Variants in MAPK10 observed in about 807,000 individuals in gnomAD.
The protein encoded by MAPK10 is JNK3 alpha protein kinase.
A neutral mutation model predicts 59.3 loss-of-function variants in MAPK10; 25 were observed. That is an observed-to-expected ratio of 0.42 (90% CI 0.31 to 0.59). The LOEUF (loss-of-function observed/expected upper bound fraction) is 0.59, where lower values mean the gene tolerates loss of function less well. MAPK10 is among the 20% of genes least tolerant of loss of function. The pLI is 0.15. For synonymous variants in MAPK10, 190 were observed against 200.5 expected (o/e 0.95, Z 0.44); for missense variants, 351 against 568.9 (o/e 0.62, Z 3.90).
intron 1 of MAPK10, among the ~76,000 whole-genome samples, chr4:86,459,405 G>T (rs1242413465): frequency 2.0e-5 from 3 of 152,206 alleles, no homozygotes; most frequent in Non-Finnish European, 4.4e-5. Context: ...CCACTACTGG[G>T]TATCTCTCCA....
chr4:86,548,742 C>T (rs1759500804), intron 1 of MAPK10, among the ~76,000 whole-genome samples: 1 of 152,130 alleles, frequency 6.6e-6, no homozygotes, highest in Non-Finnish European at 1.5e-5. Flanking sequence ...CAGACTAATG[C>T]AGGTACTCTC....
At chr4:86,201,912 T>A (rs1347630087) in intron 2 of MAPK10, among the ~76,000 whole-genome samples, 3 of 151,846 alleles carry the variant, frequency 2.0e-5, no homozygotes, top group African/African-American at 7.2e-5. Context: ...CACATATAGT[T>A]TAAGAAACTT....
intron 2 of MAPK10, among the ~76,000 whole-genome samples, chr4:86,294,407 T>G (rs1194896600): frequency 6.6e-6 from 1 of 152,088 alleles, no homozygotes; most frequent in Non-Finnish European, 1.5e-5. Flanking sequence ...AGTTTACATA[T>G]AAATACAAAT....
intron 1 of MAPK10, among the ~76,000 whole-genome samples, chr4:86,518,399 C>T (rs571901815): frequency 6.6e-6 from 1 of 152,322 alleles, no homozygotes; most frequent in African/African-American, 2.4e-5. Context: ...AATTTGTGCA[C>T]ATAAAGGTGT....
rs138700093 is a variant in MAPK10, at chr4:86,440,754, T to A, written c.-122+12276A>T. Reference sequence around the variant, plus strand: ...TTCTGGTATGAGTCCACTGATATTTTAAAAAGTATTCATGATAAATCATTA... The same window carrying A: ...TTCTGGTATGAGTCCACTGATATTTAAAAAAGTATTCATGATAAATCATTA... On this transcript the variant is annotated intron_variant, in intron 1 of 13. Coordinates refer to the MAPK10 transcript ENST00000361569. 6.1e-3 allele frequency among the ~76,000 whole-genome samples: 922 copies of A among 152,316 alleles called. 6 individuals carry two copies. Among genetic ancestry groups the A allele is most frequent in the African/African-American group, 0.02 (824 of 41,570 alleles).
At chr4:86,359,442 T>C (rs1736332178) in intron 1 of MAPK10, among the ~76,000 whole-genome samples, 1 of 151,372 alleles carries the variant, frequency 6.6e-6, no homozygotes, top group Admixed American at 6.6e-5. Flanking sequence ...AATGGAAAGG[T>C]TTCAACACGC....
At chr4:86,118,288 C>A (rs989748179) in intron 4 of MAPK10, among the ~76,000 whole-genome samples, 18 of 152,124 alleles carry the variant, frequency 1.2e-4, no homozygotes, top group Admixed American at 1.3e-4. Context: ...AGAATCTTGG[C>A]CTGTGGAATC....
chr4:86,099,113 G>C (rs1243112289), intron 8 of MAPK10: 2 of 152,314 alleles, frequency 1.3e-5, no homozygotes, highest in Admixed American at 1.3e-4. Context: ...CAATAAACCA[G>C]GAAATGACTG....
chr4:86,548,274 G>A (rs1759431522), intron 1 of MAPK10, among the ~76,000 whole-genome samples: 1 of 151,966 alleles, frequency 6.6e-6, no homozygotes, highest in South Asian at 2.1e-4. Context: ...TCACTCCTGA[G>A]CCAGCGAGAC....
At chr4:86,168,233 C>T (rs560660697) in intron 3 of MAPK10, among the ~76,000 whole-genome samples, 3 of 152,074 alleles carry the variant, frequency 2.0e-5, no homozygotes, top group African/African-American at 4.8e-5. Flanking sequence ...TGCAACGCAC[C>T]GTGCACCAGC....
chr4:86,057,854 A>G (rs1439606508), intron 11 of MAPK10, among the ~76,000 whole-genome samples: 7 of 149,972 alleles, frequency 4.7e-5, no homozygotes, highest in Admixed American at 4.6e-4. Flanking sequence ...TTCCTAGTGA[A>G]AGAGGTCTTT....
chr4:86,314,413 C>T (rs1203135171), intron 2 of MAPK10, among the ~76,000 whole-genome samples: 10 of 152,238 alleles, frequency 6.6e-5, no homozygotes, highest in South Asian at 4.1e-4. Flanking sequence ...ATAAGTCTCA[C>T]GTGATCTGAT....
At chr4:86,342,121 C>T (rs1440874766) in intron 2 of MAPK10, among the ~76,000 whole-genome samples, 2 of 152,126 alleles carry the variant, frequency 1.3e-5, no homozygotes, top group Non-Finnish European at 2.9e-5. Flanking sequence ...TAACTAGACA[C>T]ATCAAATGTT....
chr4:86,085,686 G>A (rs1184907598), intron 9 of MAPK10, among the ~76,000 whole-genome samples: 1 of 152,100 alleles, frequency 6.6e-6, no homozygotes, highest in African/African-American at 2.4e-5. Flanking sequence ...CAGTTCTGTG[G>A]TTCCTCAAAA....
chr4:86,553,304 T>C (rs1045752796), intron 1 of MAPK10, among the ~76,000 whole-genome samples: 3 of 152,048 alleles, frequency 2.0e-5, no homozygotes, highest in Non-Finnish European at 4.4e-5. Flanking sequence ...AAATAAATAA[T>C]CTAAATGGTG....
intron 2 of MAPK10, among the ~76,000 whole-genome samples, chr4:86,304,336 A>C (rs958433164): frequency 2.2e-4 from 34 of 151,382 alleles, no homozygotes; most frequent in African/African-American, 8.0e-4. Flanking sequence ...CTTAATGCTT[A>C]ATCTATTCAA....
At chr4:86,402,418 A>G (rs1156537687) in intron 1 of MAPK10, among the ~76,000 whole-genome samples, 1 of 152,194 alleles carries the variant, frequency 6.6e-6, no homozygotes, top group East Asian at 1.9e-4. Flanking sequence ...ATTATCCTAT[A>G]ATGCTATTTT....
upstream of MAPK10, among the ~76,000 whole-genome samples, chr4:86,454,256 C>T (rs139306555): frequency 6.6e-6 from 1 of 152,076 alleles, no homozygotes; most frequent in South Asian, 2.1e-4. Flanking sequence ...TGGATCCAAA[C>T]CAGGAAGAAA....
chr4:86,587,102 T>C (rs113193556), intron 1 of MAPK10, among the ~76,000 whole-genome samples: 3 of 152,252 alleles, frequency 2.0e-5, no homozygotes, highest in Non-Finnish European at 2.9e-5. Flanking sequence ...CTGCTGAATA[T>C]TGAAAAAACA....
Sources: allele counts gnomAD v4.1 joint callset (sites outside exome capture counted in the v4.1 genomes callset), GRCh38; gene constraint gnomAD v4.1.1; transcripts MANE v1.5; gene names NCBI Gene and HGNC (gene_info 2026-07-23, HGNC 2026-07-21).